SOCS6: variants seen among roughly 807,000 people sequenced by gnomAD.
SOCS6 encodes the protein suppressor of cytokine signaling 6, also known as STAT induced STAT inhibitor-4.
In SOCS6, 5 loss-of-function variants were observed where a neutral mutation model predicts 27.7. That is an observed-to-expected ratio of 0.18 (90% CI 0.09 to 0.38). The LOEUF (loss-of-function observed/expected upper bound fraction) is 0.38, where lower values mean the gene tolerates loss of function less well. Among genes scored for constraint, SOCS6 ranks in the 10% least tolerant of loss-of-function variants. The pLI, the probability that SOCS6 is intolerant of heterozygous loss-of-function variation, is 1.00. For missense variants in SOCS6, 595 were observed against 688.1 expected (o/e 0.86, Z 1.51); for synonymous variants, 271 against 260.0 (o/e 1.04, Z -0.41).
chr18:70,324,998 C>T lies in SOCS6; in HGVS notation c.330C>T (p.Pro110=). The part of the protein sequence containing the change: ...DEDTFSSSSA[P]IVFKDVRAQR... Reference sequence around the variant, plus strand: ...ACACCTTCTCCTCCTCCTCAGCACCCATAGTCTTTAAAGACGTGAGAGCTC... The same window carrying T: ...ACACCTTCTCCTCCTCCTCAGCACCTATAGTCTTTAAAGACGTGAGAGCTC... The change falls in exon 2 of 2, where the codon CCC becomes CCT. Residue 110 remains proline, a synonymous_variant. Transcript: ENST00000397942. The T allele has an allele frequency of 6.2e-7, 1 of 1,614,156 alleles. No homozygotes were observed. Among genetic ancestry groups the T allele is most frequent in the East Asian group, 2.2e-5 (1 of 44,884 alleles).
chr18:70,290,385 A>G (rs933923483), intron 1 of SOCS6, among the ~76,000 whole-genome samples: 7 of 152,220 alleles, frequency 4.6e-5, no homozygotes, highest in African/African-American at 1.2e-4. Context: ...GAATGAACGA[A>G]TCTTAATTGT....
chr18:70,314,545 C>T (rs1293750683), intron 1 of SOCS6, among the ~76,000 whole-genome samples: 1 of 152,118 alleles, frequency 6.6e-6, no homozygotes, highest in Non-Finnish European at 1.5e-5. Flanking sequence ...GGTTTGTGGC[C>T]TAGAAGCAAT....
chr18:70,311,767 G>A (rs562324590), intron 1 of SOCS6, among the ~76,000 whole-genome samples: 37 of 152,220 alleles, frequency 2.4e-4, no homozygotes, highest in African/African-American at 8.7e-4. Flanking sequence ...TGTGTAGTGG[G>A]CATCTCGCTT....
intron 1 of SOCS6, among the ~76,000 whole-genome samples, chr18:70,304,425 C>T (rs892415089): frequency 1.3e-5 from 2 of 152,182 alleles, no homozygotes; most frequent in African/African-American, 4.8e-5. Flanking sequence ...ACATTCCCAC[C>T]AGCAGTGTAT....
chr18:70,312,771 ATT>A (rs375997089), intron 1 of SOCS6, among the ~76,000 whole-genome samples: 8 of 121,960 alleles, frequency 6.6e-5, no homozygotes, highest in Admixed American at 1.0e-4. Context: ...AATTCTTTGG[ATT>A]TTTTTTTTTT....
chr18:70,310,280 G>GT (rs966328703), intron 1 of SOCS6, among the ~76,000 whole-genome samples: 4,797 of 116,848 alleles, frequency 0.041, 236 homozygotes, highest in African/African-American at 0.13. Flanking sequence ...TTCATAAATG[G>GT]TTTTTTTTTT....
chr18:70,308,995 T>G (rs1347221091), intron 1 of SOCS6, among the ~76,000 whole-genome samples: 1 of 152,236 alleles, frequency 6.6e-6, no homozygotes, highest in Non-Finnish European at 1.5e-5. Flanking sequence ...TAAAAAAGAT[T>G]TAGTCTGACA....
intron 1 of SOCS6, among the ~76,000 whole-genome samples, chr18:70,291,982 A>G (rs1396786078): frequency 6.6e-6 from 1 of 152,192 alleles, no homozygotes; most frequent in African/African-American, 2.4e-5. Context: ...GTAATTTATT[A>G]TGCTGTTTGG....
At chr18:70,305,037 T>G (rs928426484) in intron 1 of SOCS6, among the ~76,000 whole-genome samples, 11 of 152,092 alleles carry the variant, frequency 7.2e-5, no homozygotes, top group Admixed American at 1.3e-4. Flanking sequence ...AAACCCAGTC[T>G]CTACTAAGAA....
At chr18:70,304,333 T>C (rs2062360371) in intron 1 of SOCS6, among the ~76,000 whole-genome samples, 1 of 152,168 alleles carries the variant, frequency 6.6e-6, no homozygotes, top group Non-Finnish European at 1.5e-5. Context: ...TTTTTTGTTC[T>C]CTATATTTAG....
Position 70,324,896 on chromosome 18 carries a change from G to A in SOCS6, c.228G>A (p.Thr76=), listed in dbSNP as rs374238156. ...NRSKSESLMG[T]LKRRLSAKQK... is the part of the protein sequence containing the mutation. ...CAAAAAGCGAGAGCCTGATGGGTACGCTAAAAAGGCGGCTTTCTGCAAAAC... is the reference window on the plus strand; with the variant it reads ...CAAAAAGCGAGAGCCTGATGGGTACACTAAAAAGGCGGCTTTCTGCAAAAC... The change falls in exon 2 of 2, where the codon ACG becomes ACA. Residue 76 remains threonine (T), a synonymous_variant. Transcript: ENST00000397942. 10 of 1,614,160 alleles carry A rather than the reference G, an allele frequency of 6.2e-6. No homozygotes were observed. The highest frequency in any genetic ancestry group is 5.5e-5 in the South Asian group (5 of 91,082).
At chr18:70,308,111 A>G (rs1208115499) in intron 1 of SOCS6, among the ~76,000 whole-genome samples, 6 of 152,138 alleles carry the variant, frequency 3.9e-5, no homozygotes, top group Admixed American at 3.9e-4. Flanking sequence ...TTCATTTAGA[A>G]ATATTCGGTG....
At chr18:70,317,410 GTAT>G (rs2062415933) in intron 1 of SOCS6, among the ~76,000 whole-genome samples, 1 of 149,606 alleles carries the variant, frequency 6.7e-6, no homozygotes, top group Non-Finnish European at 1.5e-5. Context: ...TAGCTAAGTA[GTAT>G]TCCATGGTGT....
chr18:70,296,465 G>GT (rs2062323173), intron 1 of SOCS6: 1 of 152,314 alleles, frequency 6.6e-6, no homozygotes, highest in Non-Finnish European at 1.5e-5. Flanking sequence ...GGATGTGGGT[G>GT]TATCTGCAGG....
chr18:70,300,539 A>G lies in SOCS6; in HGVS notation c.-127+11449A>G, dbSNP rs149801955. ...ATTGAATAAGAATGCATTGAATACA[A>G]TTACAGTGAAGGATGCTTAGAAATG... On this transcript the variant is annotated intron_variant, in intron 1 of 1. Coordinates refer to ENST00000397942, the MANE Select transcript of SOCS6 (RefSeq NM_004232.4). Among the ~76,000 whole-genome samples the G allele has an allele frequency of 1.1e-4, 16 of 152,354 alleles. No individual in the cohort carries two copies. The East Asian group carries it at 2.7e-3, about 26-fold the overall frequency.
At chr18:70,317,513 T>C (rs1177438549) in intron 1 of SOCS6, among the ~76,000 whole-genome samples, 2,563 of 60,378 alleles carry the variant, frequency 0.042, 146 homozygotes, top group African/African-American at 0.18. Flanking sequence ...CATACATATA[T>C]ACATACATAT....
chr18:70,306,494 A>G (rs1363366704), intron 1 of SOCS6, among the ~76,000 whole-genome samples: 1 of 150,772 alleles, frequency 6.6e-6, no homozygotes, highest in Non-Finnish European at 1.5e-5. Context: ...AAAAAAAAAA[A>G]AAAAAGAAAG....
chr18:70,300,282 A>G (rs1454107114), intron 1 of SOCS6, among the ~76,000 whole-genome samples: 3 of 152,020 alleles, frequency 2.0e-5, no homozygotes, highest in African/African-American at 7.3e-5. Flanking sequence ...ACCCACCACC[A>G]CACCTGGTTA....
chr18:70,301,474 G>C (rs2062347791), intron 1 of SOCS6, among the ~76,000 whole-genome samples: 1 of 149,438 alleles, frequency 6.7e-6, no homozygotes, highest in African/African-American at 2.5e-5. Context: ...AGAATGTAGA[G>C]TAGCCGGAAA....
Sources: allele counts gnomAD v4.1 joint callset (sites outside exome capture counted in the v4.1 genomes callset), GRCh38; gene constraint gnomAD v4.1.1; transcripts MANE v1.5; gene names NCBI Gene and HGNC (gene_info 2026-07-23, HGNC 2026-07-21).